The following NPIPB7 variants were observed in gnomAD, a reference collection of about 807,000 sequenced individuals.
The protein encoded by NPIPB7 is nuclear pore complex interacting protein family member B7, also known as nuclear pore complex-interacting protein family member B7.
For synonymous variants in NPIPB7, 9 were observed against 88.1 expected (o/e 0.10, Z 5.03); for missense variants, 14 against 238.5 (o/e 0.06, Z 6.20).
intron 2 of NPIPB7, among the ~76,000 whole-genome samples, chr16:28,463,741 A>AG (rs1216771582): frequency 1.6e-5 from 2 of 125,504 alleles, no homozygotes; most frequent in African/African-American, 5.3e-5. Context: ...AAAAAAAAAA[A>AG]AAAAAAAAAA....
At chr16:28,468,830 AT>A (rs1359443658) in intron 1 of NPIPB7, among the ~76,000 whole-genome samples, 2 of 88,102 alleles carry the variant, frequency 2.3e-5, no homozygotes, top group African/African-American at 7.3e-5. Flanking sequence ...AAAAAAAAAA[AT>A]TACCAAGGTG....
At chr16:28,463,397 A>G (rs1219917801) in intron 2 of NPIPB7, among the ~76,000 whole-genome samples, 2 of 80,122 alleles carry the variant, frequency 2.5e-5, no homozygotes, top group African/African-American at 5.3e-5. Context: ...TCTCACACAC[A>G]CACACACACA....
upstream of NPIPB7, among the ~76,000 whole-genome samples, chr16:28,470,831 G>A (rs1428436718): frequency 3.6e-5 from 5 of 137,470 alleles, no homozygotes; most frequent in Admixed American, 7.3e-5. Flanking sequence ...CAGGACACGC[G>A]GGGCAAGGGA....
At chr16:28,471,758 AGT>A (rs1263075994), upstream of NPIPB7, among the ~76,000 whole-genome samples, 2 of 143,844 alleles carry the variant, frequency 1.4e-5, no homozygotes, top group Admixed American at 7.2e-5. Flanking sequence ...TCCGAAACCG[AGT>A]GATGATGTCC....
intron 1 of NPIPB7, chr16:28,469,761 C>G (rs1365704164): frequency 2.6e-6 from 1 of 385,874 alleles, no homozygotes; most frequent in Admixed American, 3.6e-5. Flanking sequence ...CCGAGGCAGG[C>G]GGATCACGAG....
chr16:28,464,553 A>G (rs1360502621), intron 2 of NPIPB7, among the ~76,000 whole-genome samples: 24 of 149,734 alleles, frequency 1.6e-4, no homozygotes, highest in African/African-American at 4.7e-4. Flanking sequence ...GTGCAGTGGC[A>G]CTACCTTGGC....
At chr16:28,470,773 G>A (rs1205571681), upstream of NPIPB7, among the ~76,000 whole-genome samples, 11 of 149,694 alleles carry the variant, frequency 7.3e-5, no homozygotes, top group African/African-American at 2.4e-4. Context: ...GTTCTCAAGC[G>A]CTGGTGGAAG....
intron 1 of NPIPB7, among the ~76,000 whole-genome samples, chr16:28,468,786 G>A (rs1191168779): frequency 1.0e-5 from 1 of 99,498 alleles, no homozygotes; most frequent in South Asian, 3.1e-4. Flanking sequence ...CAGCCTGGGT[G>A]ACAGAGTGAG....
intron 4 of NPIPB7, among the ~76,000 whole-genome samples, chr16:28,460,746 AG>A: frequency 1.4e-5 from 1 of 71,008 alleles, no homozygotes; most frequent in African/African-American, 5.9e-5. Context: ...CAATGGGAGC[AG>A]GGTCCTGTCC....
chr16:28,464,890 G>A (rs1460273459), intron 2 of NPIPB7, among the ~76,000 whole-genome samples: 3 of 149,550 alleles, frequency 2.0e-5, no homozygotes, highest in African/African-American at 7.5e-5. Flanking sequence ...TTCGAGAGAA[G>A]CAATGGGTAA....
chr16:28,468,975 A>G (rs375307870), intron 1 of NPIPB7, among the ~76,000 whole-genome samples: 201 of 113,060 alleles, frequency 1.8e-3, no homozygotes, highest in Non-Finnish European at 2.3e-3. Context: ...ACATTTCTAC[A>G]TCGATTCCTC....
At chr16:28,471,911 TC>T (rs542615587), upstream of NPIPB7, among the ~76,000 whole-genome samples, 164 of 152,304 alleles carry the variant, frequency 1.1e-3, no homozygotes, top group African/African-American at 3.6e-3. Flanking sequence ...CTGCCTGTAG[TC>T]CCAGATACTT....
intron 6 of NPIPB7, among the ~76,000 whole-genome samples, chr16:28,457,233 G>GGT (rs2045851111): frequency 7.3e-6 from 1 of 136,900 alleles, no homozygotes; most frequent in Admixed American, 7.7e-5. Context: ...AAGTCATTGG[G>GGT]ACACACTGTT....
intron 2 of NPIPB7, among the ~76,000 whole-genome samples, chr16:28,463,389 TCA>T (rs57853696): frequency 0.034 from 1,536 of 45,738 alleles, 20 homozygotes; most frequent in African/African-American, 0.061. Flanking sequence ...AGACTCTGTC[TCA>T]CACACACACA....
At chr16:28,469,855 T>C (rs1429844562) in intron 1 of NPIPB7, 1 of 299,892 alleles carries the variant, frequency 3.3e-6, no homozygotes, top group Admixed American at 4.8e-5. Flanking sequence ...CGTTGTAATC[T>C]GAGCTACTCA....
intron 6 of NPIPB7, among the ~76,000 whole-genome samples, chr16:28,457,423 AC>A (rs1194774743): frequency 9.6e-6 from 1 of 104,050 alleles, no homozygotes; most frequent in African/African-American, 3.3e-5. Context: ...AGGTCAACAG[AC>A]AGTAAGAGAC....
At chr16:28,470,801 G>A (rs1230930088), upstream of NPIPB7, among the ~76,000 whole-genome samples, 2 of 146,402 alleles carry the variant, frequency 1.4e-5, no homozygotes, top group African/African-American at 2.5e-5. Context: ...TACAGGTCAC[G>A]GAGAAGATCA....
intron 1 of NPIPB7, among the ~76,000 whole-genome samples, chr16:28,470,038 T>C (rs2045933482): frequency 6.9e-6 from 1 of 144,492 alleles, no homozygotes; most frequent in Non-Finnish European, 1.5e-5. Context: ...TTTGTTTTGG[T>C]CCATTTTGTT....
chr16:28,468,339 G>A (rs2045917573), intron 1 of NPIPB7, among the ~76,000 whole-genome samples: 1 of 121,800 alleles, frequency 8.2e-6, no homozygotes, highest in Non-Finnish European at 1.7e-5. Flanking sequence ...TTAAATTGAT[G>A]TATAACATTG....
Sources: allele counts gnomAD v4.1 joint callset (sites outside exome capture counted in the v4.1 genomes callset), GRCh38; gene constraint gnomAD v4.1.1; transcripts MANE v1.5; gene names NCBI Gene and HGNC (gene_info 2026-07-23, HGNC 2026-07-21).